EYS: variants seen among roughly 807,000 people sequenced by gnomAD.
EYS encodes the protein EGF-like photoreceptor maintenance factor.
In EYS, 250 loss-of-function variants were observed where a neutral mutation model predicts 282.1. The ratio of observed to expected loss-of-function variants is 0.89; its 90% confidence interval spans 0.80 to 0.98. The LOEUF (loss-of-function observed/expected upper bound fraction) is 0.98. EYS is among the 50% of genes least tolerant of loss of function. The pLI is 0.00. For missense variants in EYS, 4,016 were observed against 3,709.0 expected, an observed-to-expected ratio of 1.08 and a Z score of -2.15; for synonymous variants, 1,355 against 1,282.9, an observed-to-expected ratio of 1.06 and a Z score of -1.20.
At chr6:63,873,892 TAGCC>T (rs1439353325) in intron 35 of EYS, among the ~76,000 whole-genome samples, 2 of 152,192 alleles carry the variant, frequency 1.3e-5, no homozygotes, top group African/African-American at 2.4e-5. Context: ...TTCTGGATAT[TAGCC>T]CTTTGTCATT....
At chr6:64,519,614 G>A (rs1481246427) in intron 26 of EYS, among the ~76,000 whole-genome samples, 1 of 151,754 alleles carries the variant, frequency 6.6e-6, no homozygotes, top group African/African-American at 2.4e-5. Flanking sequence ...GACTTTTGAA[G>A]GCTTTGGAAA....
At chr6:65,651,665 GTCTTACTTTATTTCT>G (rs1280622170) in intron 1 of EYS, among the ~76,000 whole-genome samples, 1 of 151,974 alleles carries the variant, frequency 6.6e-6, no homozygotes, top group East Asian at 1.9e-4. Flanking sequence ...AATCTTGGAA[GTCTTACTTTATTTCT>G]TCTCTTATCT....
intron 26 of EYS, among the ~76,000 whole-genome samples, chr6:64,542,456 A>G (rs73767318): frequency 0.052 from 7,872 of 152,124 alleles, 470 homozygotes; most frequent in African/African-American, 0.14. Context: ...TCTAGCATTT[A>G]CCTGAATATA....
At chr6:65,402,718 A>ATTATCTGTCAGCAATGTG (rs1312113064) in intron 6 of EYS, 113 bp from the exon 7 acceptor site, 1 of 691,560 alleles carries the variant, frequency 1.4e-6, no homozygotes, top group East Asian at 2.9e-5. Context: ...TGGAGTAGAA[A>ATTATCTGTCAGCAATGTG]TTATCTGTCA....
chr6:64,532,361 T>C (rs756893667), intron 26 of EYS, among the ~76,000 whole-genome samples: 1 of 152,126 alleles, frequency 6.6e-6, no homozygotes. Flanking sequence ...ACCTGCAGAT[T>C]AGGTTAAATC....
chr6:63,802,550 C>T (rs1041386471), intron 37 of EYS, among the ~76,000 whole-genome samples: 1 of 151,370 alleles, frequency 6.6e-6, no homozygotes, highest in Non-Finnish European at 1.5e-5. Context: ...ATTTTTGATT[C>T]AAGAAGGCCT....
intron 19 of EYS, among the ~76,000 whole-genome samples, chr6:64,858,047 T>C (rs1307626243): frequency 1.6e-4 from 25 of 152,162 alleles, no homozygotes; most frequent in Non-Finnish European, 1.8e-4. Flanking sequence ...ATTCTTTGGG[T>C]TGCCTCTTCA....
intron 36 of EYS, among the ~76,000 whole-genome samples, chr6:63,847,520 G>A (rs1414193229): frequency 2.6e-5 from 4 of 151,924 alleles, no homozygotes; most frequent in African/African-American, 9.7e-5. Context: ...AGAAGCCAGT[G>A]GTAAAGTCAC....
At chr6:64,790,308 TC>T (rs1392811274) in intron 22 of EYS, among the ~76,000 whole-genome samples, 1 of 151,880 alleles carries the variant, frequency 6.6e-6, no homozygotes, top group Non-Finnish European at 1.5e-5. Flanking sequence ...TTTACCCATG[TC>T]ATAAACCTGC....
chr6:65,121,659 G>A (rs1268736410), intron 12 of EYS, among the ~76,000 whole-genome samples: 2 of 152,142 alleles, frequency 1.3e-5, no homozygotes, highest in Non-Finnish European at 2.9e-5. Context: ...TACTTTAGCA[G>A]TGAATGGCCT....
intron 5 of EYS, among the ~76,000 whole-genome samples, chr6:65,442,655 G>A (rs1471939097): frequency 1.3e-5 from 2 of 151,910 alleles, no homozygotes; most frequent in African/African-American, 4.8e-5. Flanking sequence ...CTGGGTGTCT[G>A]AGGCAGGAGA....
intron 12 of EYS, among the ~76,000 whole-genome samples, chr6:65,207,337 C>T (rs745718309): frequency 6.7e-6 from 1 of 148,716 alleles, no homozygotes; most frequent in Non-Finnish European, 1.5e-5. Flanking sequence ...AAGATCTCTA[C>T]AAGAAGAACT....
At chr6:64,797,793 T>G (rs897506443) in intron 22 of EYS, among the ~76,000 whole-genome samples, 7 of 151,982 alleles carry the variant, frequency 4.6e-5, no homozygotes, top group African/African-American at 1.7e-4. Context: ...AATCTCCTAA[T>G]CCTCCATGTA....
chr6:64,865,932 G>T (rs1288217753), intron 19 of EYS, among the ~76,000 whole-genome samples: 1 of 151,704 alleles, frequency 6.6e-6, no homozygotes, highest in African/African-American at 2.4e-5. Context: ...TTTATGGTGT[G>T]GTATTTATGG....
chr6:65,288,165 T>G (rs1223190279), intron 12 of EYS, among the ~76,000 whole-genome samples: 1 of 151,118 alleles, frequency 6.6e-6, no homozygotes, highest in Non-Finnish European at 1.5e-5. Flanking sequence ...TTCCTGTTTT[T>G]CAGAATGTAA....
intron 2 of EYS, among the ~76,000 whole-genome samples, chr6:65,621,929 T>TGTTATG (rs1157764680): frequency 6.6e-6 from 1 of 152,214 alleles, no homozygotes; most frequent in East Asian, 1.9e-4. Context: ...AAAGCTGTGG[T>TGTTATG]GTTATGCTTT....
chr6:65,312,996 A>G (rs1769200910), intron 11 of EYS, among the ~76,000 whole-genome samples: 1 of 152,078 alleles, frequency 6.6e-6, no homozygotes, highest in Admixed American at 6.6e-5. Context: ...CTCAACCCCC[A>G]GATGAGGTAG....
chr6:63,761,301 A>G (rs1769635832), intron 41 of EYS, among the ~76,000 whole-genome samples: 1 of 152,012 alleles, frequency 6.6e-6, no homozygotes, highest in South Asian at 2.1e-4. Context: ...ATCAAGATTG[A>G]TCCCTAATGT....
chr6:64,834,086 C>T (rs1274305306), intron 19 of EYS, among the ~76,000 whole-genome samples: 4 of 151,796 alleles, frequency 2.6e-5, no homozygotes, highest in Non-Finnish European at 4.4e-5. Flanking sequence ...ATGAGTCAAT[C>T]GAATGCATTC....
Sources: gnomAD v4.1 joint callset for allele counts (sites outside exome capture counted in the v4.1 genomes callset) on GRCh38, gnomAD v4.1.1 for gene constraint, MANE v1.5 for transcripts, NCBI Gene and HGNC (gene_info 2026-07-23, HGNC 2026-07-21) for gene names.